ANO2: variants seen among roughly 807,000 people sequenced by gnomAD.
ANO2 encodes anoctamin 2.
In ANO2, 101 loss-of-function variants were observed where a neutral mutation model predicts 124.2. The ratio of observed to expected loss-of-function variants is 0.81; its 90% CI spans 0.69 to 0.96. The LOEUF (loss-of-function observed/expected upper bound fraction) is 0.96. Ranked by LOEUF, ANO2 falls within the 40% of genes least tolerant of loss-of-function variation. ANO2 has a pLI of 0.00. For missense variants in ANO2, 1,293 were observed against 1,274.5 expected (o/e 1.01, Z -0.22); for synonymous variants, 486 against 482.5 (o/e 1.01, Z -0.09).
intron 16 of ANO2, among the ~76,000 whole-genome samples, chr12:5,627,313 G>A (rs1356379536): frequency 6.6e-6 from 1 of 152,148 alleles, no homozygotes; most frequent in Admixed American, 6.5e-5. Flanking sequence ...GCCACCCAGA[G>A]AGCCGGGAGC....
intron 16 of ANO2, among the ~76,000 whole-genome samples, chr12:5,617,123 G>C (rs756419780): frequency 1.3e-5 from 2 of 150,142 alleles, no homozygotes; most frequent in African/African-American, 2.5e-5. Flanking sequence ...AGATCACACT[G>C]TACCACACTC....
chr12:5,797,585 A>C (rs1360854227), intron 10 of ANO2, among the ~76,000 whole-genome samples: 2 of 151,980 alleles, frequency 1.3e-5, no homozygotes. Flanking sequence ...CCCCACCACC[A>C]GCCCTTCCAT....
chr12:5,810,547 G>A (rs1265344761), intron 7 of ANO2, among the ~76,000 whole-genome samples: 3 of 151,962 alleles, frequency 2.0e-5, no homozygotes, highest in Non-Finnish European at 2.9e-5. Context: ...CTCAGCTCTC[G>A]ACCCAGGGAG....
chr12:5,677,216 T>C (rs1352248940), intron 14 of ANO2, among the ~76,000 whole-genome samples: 1 of 152,070 alleles, frequency 6.6e-6, no homozygotes, highest in African/African-American at 2.4e-5. Flanking sequence ...TTGGCACCCA[T>C]GGGGAAGGAG....
chr12:5,756,023 T>A (rs1252364739), intron 10 of ANO2, among the ~76,000 whole-genome samples: 1 of 152,150 alleles, frequency 6.6e-6, no homozygotes, highest in Non-Finnish European at 1.5e-5. Flanking sequence ...TCCCATAAGA[T>A]CTTAGGCTTT....
intron 4 of ANO2, among the ~76,000 whole-genome samples, chr12:5,834,512 T>A (rs1418566123): frequency 6.6e-6 from 1 of 152,056 alleles, no homozygotes; most frequent in African/African-American, 2.4e-5. Context: ...GTTGAGGGAG[T>A]AGCATTTCAG....
At chr12:5,794,595 T>C (rs1247205224) in intron 10 of ANO2, among the ~76,000 whole-genome samples, 1 of 152,230 alleles carries the variant, frequency 6.6e-6, no homozygotes, top group Non-Finnish European at 1.5e-5. Context: ...CTTATTCCTC[T>C]AGCAGCAATT....
rs749747073 is a variant in ANO2 at position 5,627,969 on chromosome 12, A to C, written c.1816+7183T>G. 2.0e-5 allele frequency among the ~76,000 whole-genome samples: 3 copies of C among 152,018 alleles called. No individual in the cohort carries two copies. The South Asian group carries it at 6.2e-4, about 32-fold the overall frequency. On this transcript the variant is annotated intron_variant, in intron 16 of 24. Transcript: ENST00000682330. Reference sequence around the variant, plus strand: ...AAAAAAATTAGCCAGATGCTGTGGCACACACCAGTAGTCCCAGCTACTCAG... The same window carrying C: ...AAAAAAATTAGCCAGATGCTGTGGCCCACACCAGTAGTCCCAGCTACTCAG...
intron 16 of ANO2, among the ~76,000 whole-genome samples, chr12:5,629,350 G>A (rs12581523): frequency 0.23 from 35,317 of 152,178 alleles, 5,108 homozygotes; most frequent in Admixed American, 0.34. Flanking sequence ...GTAGAGACAG[G>A]CCGCCTTTCC....
At chr12:5,715,123 G>A (rs1365899220) in intron 14 of ANO2, among the ~76,000 whole-genome samples, 2 of 151,748 alleles carry the variant, frequency 1.3e-5, no homozygotes, top group Admixed American at 6.6e-5. Context: ...AAAAAAAATC[G>A]GCATCCAAAC....
At chr12:5,613,122 A>T (rs1354564308) in intron 17 of ANO2, among the ~76,000 whole-genome samples, 164 bp from the exon 18 acceptor site, 4 of 152,154 alleles carry the variant, frequency 2.6e-5, no homozygotes, top group Non-Finnish European at 5.9e-5. Flanking sequence ...TGTTATCAGC[A>T]AGTAATCCCC....
chr12:5,930,711 C>T (rs1307312523), intron 1 of ANO2, among the ~76,000 whole-genome samples: 1 of 152,158 alleles, frequency 6.6e-6, no homozygotes, highest in Non-Finnish European at 1.5e-5. Context: ...AGGACAACAG[C>T]CAAAATTTGA....
At chr12:5,664,969 T>C (rs1347988417) in intron 14 of ANO2, among the ~76,000 whole-genome samples, 1 of 152,144 alleles carries the variant, frequency 6.6e-6, no homozygotes, top group African/African-American at 2.4e-5. Flanking sequence ...CTTTACCCCC[T>C]CATCTGACCT....
intron 14 of ANO2, among the ~76,000 whole-genome samples, chr12:5,692,779 G>C (rs749971574): frequency 6.6e-6 from 1 of 152,138 alleles, no homozygotes; most frequent in Non-Finnish European, 1.5e-5. Context: ...CCCGTAGTAG[G>C]GCCTGAAGTT....
intron 19 of ANO2, among the ~76,000 whole-genome samples, chr12:5,611,592 A>G (rs1944550239): frequency 6.6e-6 from 1 of 152,178 alleles, no homozygotes; most frequent in Admixed American, 6.5e-5. Flanking sequence ...CAGCCACTTT[A>G]TTCTGAAACA....
intron 11 of ANO2, among the ~76,000 whole-genome samples, chr12:5,747,643 A>AT (rs1445044447): frequency 6.6e-6 from 1 of 152,226 alleles, no homozygotes; most frequent in East Asian, 1.9e-4. Flanking sequence ...GTTACATCAG[A>AT]TTTCAGTATG....
rs368649285 is a variant in ANO2, at chr12:5,784,154, TC to T, written c.1055+15352del. Among the ~76,000 whole-genome samples the T allele has an allele frequency of 9.3e-3, 1,348 of 145,162 alleles. 11 individuals carry two copies. The highest frequency in any genetic ancestry group is 0.033 in the Middle Eastern group (9 of 274). On this transcript the variant is annotated intron_variant, in intron 10 of 24. Transcript: ENST00000682330. ...CCTTTCATGCCTTAATTCATGCTAT[TC>T]CCCCCTATCTGGAATGTCCATCCCC...
At chr12:5,613,830 C>A (rs1042019431) in intron 17 of ANO2, among the ~76,000 whole-genome samples, 1 of 152,190 alleles carries the variant, frequency 6.6e-6, no homozygotes, top group Admixed American at 6.5e-5. Context: ...GCCTCAGGAT[C>A]CTTTTTTCTT....
rs544452256 is a variant in ANO2, at chr12:5,890,116, C to T, written c.534+30924G>A. Among the ~76,000 whole-genome samples, 27 of 152,066 alleles carry T rather than the reference C, an allele frequency of 1.8e-4. No individual in the cohort carries two copies. The South Asian group carries it at 3.7e-3, about 21-fold the overall frequency. Reference sequence around the variant, plus strand: ...ACTGCCCAGAAGTGATTAATTCCCACGAGTATTGAGCCCTTGGCTGCATGG... The same window carrying T: ...ACTGCCCAGAAGTGATTAATTCCCATGAGTATTGAGCCCTTGGCTGCATGG... On this transcript the variant is annotated intron_variant, in intron 3 of 24. Coordinates refer to ENST00000682330, the MANE Select transcript of ANO2 (RefSeq NM_001364791.2).
Sources: allele counts gnomAD v4.1 joint callset (sites outside exome capture counted in the v4.1 genomes callset), GRCh38; gene constraint gnomAD v4.1.1; transcripts MANE v1.5; gene names NCBI Gene and HGNC (gene_info 2026-07-23, HGNC 2026-07-21).